Variants in EHHADH observed in about 807,000 individuals in gnomAD.
EHHADH encodes enoyl-CoA hydratase and 3-hydroxyacyl CoA dehydrogenase.
Under a neutral mutation model 64.4 loss-of-function variants are expected in EHHADH, and 48 were observed. The ratio of observed to expected loss-of-function variants is 0.75; its 90% CI spans 0.59 to 0.95. EHHADH has a LOEUF of 0.95. EHHADH is among the 40% of genes least tolerant of loss of function. The pLI is 0.00. For synonymous variants in EHHADH, 308 were observed against 326.7 expected (o/e 0.94, Z 0.62); for missense variants, 854 against 876.6 (o/e 0.97, Z 0.33).
At chr3:185,194,823 A>AAAAAAAAAAAAAAAAAAAAAC in intron 6 of EHHADH, among the ~76,000 whole-genome samples, 1 of 146,958 alleles carries the variant, frequency 6.8e-6, no homozygotes, top group Non-Finnish European at 1.5e-5. Flanking sequence ...AAAAAAAAAA[A>AAAAAAAAAAAAAAAAAAAAAC]AAAAAGAAGC....
intron 3 of EHHADH, among the ~76,000 whole-genome samples, chr3:185,233,386 T>A (rs1214919444): frequency 6.6e-6 from 1 of 151,938 alleles, no homozygotes; most frequent in Non-Finnish European, 1.5e-5. Flanking sequence ...AGCAAGAAAG[T>A]TACAAGGGTA....
rs1335705043 is a variant in EHHADH, at chr3:185,221,643, G to C, written c.464-3403C>G. On this transcript the variant is annotated intron_variant, in intron 4 of 6. Transcript: ENST00000231887. ...GCTGGAGTGCAGTGGCGCAATCTCG[G>C]CTCACTGCAACCTCTGCTTCCTGGG... 4.1e-5 allele frequency among the ~76,000 whole-genome samples: 6 copies of C among 145,180 alleles called. No homozygotes were observed. In the East Asian group the frequency reaches 1.2e-3, roughly 29 times the overall value.
intron 5 of EHHADH, among the ~76,000 whole-genome samples, chr3:185,206,156 A>G (rs570152081): frequency 2.0e-5 from 3 of 152,302 alleles, no homozygotes; most frequent in African/African-American, 7.2e-5. Flanking sequence ...ACAGATGCAC[A>G]CAAGCATACT....
intron 5 of EHHADH, among the ~76,000 whole-genome samples, chr3:185,213,666 G>A (rs2108635037): frequency 6.6e-6 from 1 of 151,976 alleles, no homozygotes; most frequent in Non-Finnish European, 1.5e-5. Flanking sequence ...GATCACCTGA[G>A]GTCAGGAGTT....
intron 4 of EHHADH, among the ~76,000 whole-genome samples, chr3:185,228,951 C>T (rs962353994): frequency 2.6e-5 from 4 of 151,854 alleles, no homozygotes; most frequent in South Asian, 2.1e-4. Flanking sequence ...TTACAGGTGC[C>T]TGCCACCATG....
intron 2 of EHHADH, among the ~76,000 whole-genome samples, chr3:185,247,058 T>C (rs961972745): frequency 6.6e-6 from 1 of 152,206 alleles, no homozygotes; most frequent in African/African-American, 2.4e-5. Flanking sequence ...TATTGATTTC[T>C]AGCTTAATTG....
chr3:185,213,570 A>T (rs929514642), intron 5 of EHHADH, among the ~76,000 whole-genome samples: 1 of 152,112 alleles, frequency 6.6e-6, no homozygotes, highest in African/African-American at 2.4e-5. Context: ...AAATGACCAC[A>T]CACTAACCAC....
intron 2 of EHHADH, among the ~76,000 whole-genome samples, chr3:185,238,529 GT>G (rs1719362050): frequency 6.6e-6 from 1 of 152,024 alleles, no homozygotes; most frequent in South Asian, 2.1e-4. Context: ...TTTTTCATAT[GT>G]TTATTGGCCA....
chr3:185,243,621 T>A (rs1664797103), intron 2 of EHHADH, among the ~76,000 whole-genome samples: 1 of 152,200 alleles, frequency 6.6e-6, no homozygotes, highest in African/African-American at 2.4e-5. Flanking sequence ...GTTGTTTAGT[T>A]CCCATGTATT....
intron 4 of EHHADH, among the ~76,000 whole-genome samples, chr3:185,228,280 G>GGAGAGAGA (rs35818610): frequency 1.8e-3 from 170 of 95,568 alleles, no homozygotes; most frequent in Non-Finnish European, 2.7e-3. Flanking sequence ...ATATATATAT[G>GGAGAGAGA]GAGAGAGAGA....
At chr3:185,242,341 A>G (rs1284638557) in intron 2 of EHHADH, among the ~76,000 whole-genome samples, 1 of 152,180 alleles carries the variant, frequency 6.6e-6, no homozygotes, top group East Asian at 1.9e-4. Flanking sequence ...GGAACCAAAA[A>G]AAGAGCCTGC....
At chr3:185,194,178 A>G (rs1361148595) in intron 6 of EHHADH, among the ~76,000 whole-genome samples, 1 of 152,226 alleles carries the variant, frequency 6.6e-6, no homozygotes, top group Admixed American at 6.5e-5. Flanking sequence ...TTGTATGACA[A>G]AACTATTCAA....
Position 185,248,515 on chromosome 3 carries a change from G to A in EHHADH, c.77C>T (p.Thr26Met), listed in dbSNP as rs138013408. 8.7e-5 allele frequency: 139 copies of A among 1,598,250 alleles called. No individual in the cohort carries two copies. The highest frequency in any genetic ancestry group is 7.7e-4 in the African/African-American group (57 of 74,390). Residue 26 changes from threonine (T) to methionine (M), a missense_variant and splice_region_variant, in exon 2 of 7, where the codon ACG becomes ATG. Physicochemically the swap from Thr to Met is moderately conservative, Grantham distance 81. Coordinates refer to ENST00000231887, the MANE Select transcript of EHHADH (RefSeq NM_001966.4). ...LRNPPVNAIS[T>M]TLLRDIKEGL... is the part of the protein sequence containing the mutation. ...TTCTTTTATGTCACGGAGTAAAGTC[G>A]TACTAAAAGAAAACAAAATACATGA... is the stretch of plus-strand genomic sequence containing the variant.
At chr3:185,241,681 T>C (rs1483469985) in intron 2 of EHHADH, among the ~76,000 whole-genome samples, 2 of 152,166 alleles carry the variant, frequency 1.3e-5, no homozygotes, top group East Asian at 3.8e-4. Context: ...GAGTTTGTTG[T>C]AGAGTCTGGG....
chr3:185,235,728 T>G (rs1417967392), intron 2 of EHHADH, among the ~76,000 whole-genome samples: 1 of 152,148 alleles, frequency 6.6e-6, no homozygotes, highest in Non-Finnish European at 1.5e-5. Flanking sequence ...TTCTAAAATC[T>G]ATCTTTCCAT....
At chr3:185,203,175 A>G (rs1718279062) in intron 6 of EHHADH, among the ~76,000 whole-genome samples, 1 of 152,140 alleles carries the variant, frequency 6.6e-6, no homozygotes, top group South Asian at 2.1e-4. Context: ...AATAAATTAT[A>G]CTGTGGTCAT....
chr3:185,194,824 A>AAAAAAAAAAAAAAAAAAAC (rs1429979242), intron 6 of EHHADH, among the ~76,000 whole-genome samples: 1 of 146,780 alleles, frequency 6.8e-6, no homozygotes, highest in Non-Finnish European at 1.5e-5. Flanking sequence ...AAAAAAAAAA[A>AAAAAAAAAAAAAAAAAAAC]AAAAGAAGCC....
chr3:185,193,870 A>C (rs1303996075), intron 6 of EHHADH, among the ~76,000 whole-genome samples: 1 of 152,240 alleles, frequency 6.6e-6, no homozygotes, highest in Non-Finnish European at 1.5e-5. Flanking sequence ...AATTTAACAA[A>C]GAATAGGAGG....
chr3:185,253,401 G>C (rs1298176309), intron 1 of EHHADH: 2 of 127,040 alleles, frequency 1.6e-5, no homozygotes, highest in African/African-American at 6.0e-5. Context: ...AAGTCGGCCT[G>C]CACACTGGGA....
Sources: allele counts gnomAD v4.1 joint callset (sites outside exome capture counted in the v4.1 genomes callset), GRCh38; gene constraint gnomAD v4.1.1; transcripts MANE v1.5; gene names NCBI Gene and HGNC (gene_info 2026-07-23, HGNC 2026-07-21).